Variants in AXDND1 observed in about 807,000 individuals in gnomAD.
AXDND1 encodes the protein axonemal dynein light chain domain-containing protein 1.
AXDND1 carries 110 observed loss-of-function variants against 137.5 expected under a neutral mutation model. The observed-to-expected ratio is 0.80, with a 90% CI of 0.69 to 0.94. The LOEUF (loss-of-function observed/expected upper bound fraction) is 0.94. Among genes scored for constraint, AXDND1 ranks in the 40% least tolerant of loss-of-function variants. The pLI is 0.00. For missense variants in AXDND1, 1,191 were observed against 1,169.8 expected, an observed-to-expected ratio of 1.02 and a Z score of -0.26; for synonymous variants, 414 against 399.7, an observed-to-expected ratio of 1.04 and a Z score of -0.43.
chr1:179,476,348 G>T (rs1007900310), intron 17 of AXDND1, among the ~76,000 whole-genome samples: 4 of 152,108 alleles, frequency 2.6e-5, no homozygotes, highest in Non-Finnish European at 4.4e-5. Context: ...CCAACAATAT[G>T]TCCTATGTTA....
intron 21 of AXDND1, among the ~76,000 whole-genome samples, chr1:179,516,025 G>A (rs1222574106): frequency 1.3e-5 from 2 of 152,114 alleles, no homozygotes; most frequent in African/African-American, 4.8e-5. Context: ...ATATCATATA[G>A]CCAAGGTGTG....
intron 16 of AXDND1, among the ~76,000 whole-genome samples, chr1:179,464,266 C>G (rs1191391962): frequency 1.3e-5 from 2 of 152,142 alleles, no homozygotes; most frequent in Non-Finnish European, 2.9e-5. Context: ...TTGTTCCTTT[C>G]CATGTTTAGT....
At chr1:179,529,486 T>A (rs1670857390) in intron 23 of AXDND1, among the ~76,000 whole-genome samples, 1 of 152,224 alleles carries the variant, frequency 6.6e-6, no homozygotes, top group East Asian at 1.9e-4. Context: ...CAGAAGCTCA[T>A]ATACCATCCT....
At chr1:179,553,418 A>T (rs10458351) in intron 25 of AXDND1, among the ~76,000 whole-genome samples, 1 of 152,082 alleles carries the variant, frequency 6.6e-6, no homozygotes, top group Non-Finnish European at 1.5e-5. Context: ...ATATTATTTG[A>T]TCATAAAAAG....
chr1:179,417,225 C>T (rs1334748986), intron 12 of AXDND1, among the ~76,000 whole-genome samples: 1 of 147,998 alleles, frequency 6.8e-6, no homozygotes. Flanking sequence ...TGTTTGAGCT[C>T]CTTATAAATT....
Position 179,445,183 on chromosome 1 carries a change from A to G in AXDND1, c.1777A>G (p.Ile593Val). The change falls in exon 16 of 26, where the codon ATA (isoleucine) becomes GTA (valine). Residue 593 changes from isoleucine (I) to valine (V), a missense_variant. By Grantham distance (29) the Ile-to-Val change is conservative. Coordinates refer to ENST00000367618, the MANE Select transcript of AXDND1 (RefSeq NM_144696.6). ...ACAAAAACTCTACAAAGAATATGAA[A>G]TAAGAATAAATGGGGACAATGGTAA... Reference protein sequence around the residue: ...NIQKLYKEYEIRINGDNGYSK... With the variant: ...NIQKLYKEYEVRINGDNGYSK... 6.3e-7 allele frequency: 1 copy of G among 1,589,602 alleles called. No homozygotes were observed. Among genetic ancestry groups the G allele is most frequent in the Non-Finnish European group, 8.6e-7 (1 of 1,163,802 alleles).
chr1:179,370,536 G>A (rs1396474278), intron 4 of AXDND1, among the ~76,000 whole-genome samples: 1 of 152,322 alleles, frequency 6.6e-6, no homozygotes, highest in South Asian at 2.1e-4. Context: ...TCCAAAGGGA[G>A]CCCTTAATCT....
intron 12 of AXDND1, among the ~76,000 whole-genome samples, chr1:179,417,756 A>G (rs946649010): frequency 2.6e-5 from 4 of 151,936 alleles, no homozygotes; most frequent in Admixed American, 6.6e-5. Flanking sequence ...GAAGAATGCC[A>G]TTGGTATTTT....
intron 17 of AXDND1, among the ~76,000 whole-genome samples, chr1:179,476,288 G>A (rs1243330643): frequency 6.6e-6 from 1 of 152,066 alleles, no homozygotes; most frequent in Admixed American, 6.6e-5. Flanking sequence ...CCTCTTGTGT[G>A]CTGTTTTGGC....
chr1:179,470,714 T>C (rs1404446917), intron 17 of AXDND1, among the ~76,000 whole-genome samples: 2 of 152,140 alleles, frequency 1.3e-5, no homozygotes, highest in Non-Finnish European at 2.9e-5. Context: ...CAAAAGATCA[T>C]ACCTATAAAT....
chr1:179,484,411 T>G (rs1572033418), intron 18 of AXDND1, among the ~76,000 whole-genome samples: 1 of 152,148 alleles, frequency 6.6e-6, no homozygotes, highest in East Asian at 1.9e-4. Flanking sequence ...ATCTTGCCCC[T>G]AAGACAGGGC....
intron 17 of AXDND1, among the ~76,000 whole-genome samples, chr1:179,472,552 T>G (rs58740446): frequency 0.32 from 48,370 of 152,078 alleles, 8,315 homozygotes; most frequent in Middle Eastern, 0.43. Flanking sequence ...TCCTTATTTA[T>G]CATCTGTGTA....
intron 25 of AXDND1, among the ~76,000 whole-genome samples, chr1:179,553,865 C>T (rs12736279): frequency 0.2 from 30,593 of 151,640 alleles, 3,758 homozygotes; most frequent in Non-Finnish European, 0.27. Flanking sequence ...CCTGCCTCAG[C>T]CTCCTGAGTA....
At chr1:179,536,614 G>A (rs1031679502) in intron 25 of AXDND1, among the ~76,000 whole-genome samples, 1 of 152,128 alleles carries the variant, frequency 6.6e-6, no homozygotes, top group Admixed American at 6.6e-5. Flanking sequence ...GGTTACCGTA[G>A]CCTTGTAGTA....
chr1:179,436,558 G>A (rs1226198964), intron 15 of AXDND1, among the ~76,000 whole-genome samples: 1 of 152,146 alleles, frequency 6.6e-6, no homozygotes, highest in Non-Finnish European at 1.5e-5. Context: ...GATGAAGCTG[G>A]AAGCCATCAT....
In AXDND1 at chr1:179,430,359, T is replaced by A. The variant is rs199845727; in HGVS notation, c.1333-93T>A. 135 of 934,358 alleles carry A rather than the reference T, an allele frequency of 1.4e-4. 1 individual carries two copies. In the East Asian group the frequency reaches 3.6e-3, roughly 25 times the overall value. The allele number at this position is 934,358 out of a possible 1,614,324, so 57.9% of individuals were successfully genotyped here. A position where few individuals can be genotyped will look rare whatever the true frequency, so the allele number is the denominator to read the frequency against. ...ATCAATTTTCTATGAATTTCTCTAG[T>A]ATTACAATATTAATAATGGCCTGGT... On this transcript the variant is annotated intron_variant, in intron 13 of 25. Transcript: ENST00000367618.
Position 179,552,619 on chromosome 1 carries a change from CTT to C in AXDND1, c.3032-1891_3032-1890del, listed in dbSNP as rs749740335. 1.4e-4 allele frequency: 220 copies of C among 1,613,646 alleles called. No individual in the cohort carries two copies. The highest frequency in any genetic ancestry group is 1.7e-4 in the Non-Finnish European group (205 of 1,179,904). ...AGTGCTCACCCGCACTTTGGCTTGT[CTT>C]TGCGCTTCAGCCTCCACAGCCAGTG... is the stretch of plus-strand genomic sequence containing the variant. On this transcript the variant is annotated intron_variant, in intron 25 of 25. Coordinates refer to ENST00000367618, the MANE Select transcript of AXDND1 (RefSeq NM_144696.6).
At chr1:179,379,524 T>G in intron 6 of AXDND1, 42 bp downstream of exon 6, 1 of 1,604,186 alleles carries the variant, frequency 6.2e-7, no homozygotes, top group Non-Finnish European at 8.5e-7. Flanking sequence ...CCCAGCTCGG[T>G]GGCCCATGCC....
intron 9 of AXDND1, among the ~76,000 whole-genome samples, chr1:179,390,023 T>G (rs1649895803): frequency 6.6e-6 from 1 of 151,778 alleles, no homozygotes; most frequent in South Asian, 2.1e-4. Flanking sequence ...ATCAGTTTTT[T>G]TTTTTTTTTT....
Sources: allele counts gnomAD v4.1 joint callset (sites outside exome capture counted in the v4.1 genomes callset), GRCh38; gene constraint gnomAD v4.1.1; transcripts MANE v1.5; gene names NCBI Gene and HGNC (gene_info 2026-07-23, HGNC 2026-07-21).